Variants in ZNF180 observed in about 807,000 individuals in gnomAD.
The protein encoded by ZNF180 is zinc finger protein 180 (HHZ168).
A neutral mutation model predicts 11.8 loss-of-function variants in ZNF180; 11 were observed. The observed-to-expected ratio is 0.93, with a 90% CI of 0.59 to 1.55. The LOEUF (loss-of-function observed/expected upper bound fraction) is 1.55, where lower values mean the gene tolerates loss of function less well. Ranked by LOEUF, ZNF180 falls within the 40% of genes most tolerant of loss-of-function variation. ZNF180 has a pLI of 0.00. For missense variants in ZNF180, 773 were observed against 781.7 expected (o/e 0.99, Z 0.13); for synonymous variants, 287 against 257.7 (o/e 1.11, Z -1.09).
chr19:44,494,353 C>A (rs930494229), intron 2 of ZNF180, among the ~76,000 whole-genome samples: 1 of 152,124 alleles, frequency 6.6e-6, no homozygotes, highest in Non-Finnish European at 1.5e-5. Flanking sequence ...TAAATTAGAA[C>A]ACCAATGACC....
chr19:44,485,909 A>T (rs1748645342), intron 2 of ZNF180, among the ~76,000 whole-genome samples: 1 of 152,214 alleles, frequency 6.6e-6, no homozygotes, highest in African/African-American at 2.4e-5. Context: ...CAATATTTTT[A>T]AAAGTGTAAT....
Position 44,476,931 on chromosome 19 carries a change from C to A in ZNF180, c.1469G>T (p.Gly490Val), listed in dbSNP as rs373370402. 3 of 1,613,392 alleles carry A rather than the reference C, an allele frequency of 1.9e-6. No homozygotes were observed. Among genetic ancestry groups the A allele is most frequent in the African/African-American group, 1.3e-5 (1 of 74,772 alleles). The change falls in exon 5 of 5, where the codon GGA becomes GTA. Residue 490 changes from glycine to valine, a missense_variant. Physicochemically the swap from Gly to Val is moderately radical, Grantham distance 109. Transcript: ENST00000592529. ...CTGATTACATTCAAAGGGTTTTTCT[C>A]CTGTGTGAGTTCTCTGATGAGCAAC... ...KLVAHQRTHTGEKPFECNQCG... is the reference protein window; with the variant it reads ...KLVAHQRTHTVEKPFECNQCG...
chr19:44,478,147 C>A lies in ZNF180; in HGVS notation c.254-1G>T. On this transcript the variant is annotated splice_acceptor_variant, in intron 4 of 4. Transcript: ENST00000592529. LOFTEE classifies it high-confidence loss of function. ...TTTTTTCCAACTGCAGTTGCCAAGT[C>A]TGAAAGAAAGCAATATAAGACATCT... 1 of 1,554,572 alleles carries A rather than the reference C, an allele frequency of 6.4e-7. No individual in the cohort carries two copies. The highest frequency in any genetic ancestry group is 8.7e-7 in the Non-Finnish European group (1 of 1,151,890).
intron 1 of ZNF180, among the ~76,000 whole-genome samples, chr19:44,499,807 C>T (rs1051643662): frequency 1.3e-5 from 2 of 152,296 alleles, no homozygotes; most frequent in South Asian, 4.1e-4. Context: ...CCCAGAGCCA[C>T]CTGCTCGGAA....
chr19:44,485,041 G>T (rs1970188935), intron 2 of ZNF180: 2 of 152,084 alleles, frequency 1.3e-5, no homozygotes, highest in Non-Finnish European at 2.9e-5. Flanking sequence ...CGCACCTGTA[G>T]TCCCAGCTAC....
rs1486708768 is a variant in ZNF180 at position 44,474,820 on chromosome 19, A to T, written c.*1582T>A. On this transcript the variant is annotated 3_prime_UTR_variant, in exon 5 of 5. Coordinates refer to ENST00000592529, the MANE Select transcript of ZNF180 (RefSeq NM_001278509.3). Reference sequence around the variant, plus strand: ...TTGAGGGTTCTTCAAAGTGTGGGTCAGTGGTCCCCAAGGGATGCCCGCAGC... The same window carrying T: ...TTGAGGGTTCTTCAAAGTGTGGGTCTGTGGTCCCCAAGGGATGCCCGCAGC... The T allele has an allele frequency of 6.6e-6, 1 of 152,188 alleles. No individual in the cohort carries two copies. Among genetic ancestry groups the T allele is most frequent in the Non-Finnish European group, 1.5e-5 (1 of 68,048 alleles). The allele number at this position is 152,188 out of a possible 1,614,324, so 9.4% of individuals were successfully genotyped here.
chr19:44,474,471 C>G lies in ZNF180; in HGVS notation c.*1931G>C, dbSNP rs1568418342. The G allele has an allele frequency of 6.6e-6, 1 of 152,026 alleles. No individual in the cohort carries two copies. The highest frequency in any genetic ancestry group is 1.5e-5 in the Non-Finnish European group (1 of 68,014). 9.4% of individuals were successfully genotyped at this position (152,026 alleles called of 1,614,324 possible). On this transcript the variant is annotated 3_prime_UTR_variant, in exon 5 of 5. Transcript: ENST00000592529. ...TTTATTTTTACTTTATTTTCTAGGT[C>G]TCATCATAGCTCATATATAACACTC...
chr19:44,486,347 C>T (rs1970228822), intron 2 of ZNF180, among the ~76,000 whole-genome samples: 1 of 152,204 alleles, frequency 6.6e-6, no homozygotes, highest in Non-Finnish European at 1.5e-5. Context: ...TTTAATGCTG[C>T]ATCCATGTTT....
At chr19:44,479,559 G>T in intron 3 of ZNF180, 150 bp from the exon 4 acceptor site, 3 of 1,023,244 alleles carry the variant, frequency 2.9e-6, no homozygotes, top group Non-Finnish European at 4.3e-6. Flanking sequence ...CAGTCAAGAT[G>T]TACAGGTGCC....
At position 44,489,962 on chromosome 19, in the gene ZNF180, GA is replaced by G. The variant is rs1056617123; in HGVS notation, c.52-5528del. On this transcript the variant is annotated intron_variant, in intron 2 of 4. Coordinates refer to ENST00000592529, the MANE Select transcript of ZNF180 (RefSeq NM_001278509.3). ...ACAGGAAAGAAAGAGGGAAAAGAAA[GA>G]AAGAAAAGAAAGAAAGAAAGAAAGA... 6.1e-5 allele frequency among the ~76,000 whole-genome samples: 7 copies of G among 115,564 alleles called. No homozygotes were observed. In the East Asian group the frequency reaches 1.2e-3, roughly 20 times the overall value. The allele number at this position is 115,564 out of a possible 152,430, so 75.8% of individuals were successfully genotyped here. A position where few individuals can be genotyped will look rare whatever the true frequency, so the allele number is the denominator to read the frequency against.
intron 1 of ZNF180, among the ~76,000 whole-genome samples, chr19:44,499,682 AG>A (rs1474289590): frequency 6.6e-6 from 1 of 152,066 alleles, no homozygotes; most frequent in African/African-American, 2.4e-5. Context: ...ATTCCCACCA[AG>A]GGTTCACTAG....
Position 44,484,403 on chromosome 19 carries a change from T to G in ZNF180, c.84A>C (p.Lys28Asn), listed in dbSNP as rs1339192967. ...DSFLPQEIII[K>N]VEGEDTGSLT... ...GAGACCCAGTGTCTTCTCCCTCGAC[T>G]TTGATGATAATCTCTTGAGGAAGGA... Residue 28 changes from lysine (K) to asparagine (N), a missense_variant, in exon 3 of 5, where the codon AAA (lysine) becomes AAC (asparagine). Lys to Asn is a moderately conservative substitution (Grantham distance 94). Transcript: ENST00000592529. 28 of 1,614,000 alleles carry G rather than the reference T, an allele frequency of 1.7e-5. No individual in the cohort carries two copies. The highest frequency in any genetic ancestry group is 2.4e-5 in the Non-Finnish European group (28 of 1,179,980).
intron 2 of ZNF180, among the ~76,000 whole-genome samples, chr19:44,487,345 C>T (rs1461428370): frequency 6.6e-6 from 1 of 152,206 alleles, no homozygotes; most frequent in Non-Finnish European, 1.5e-5. Context: ...AGAGCCAGAG[C>T]TGCTGCAATG....
rs917440366 is a variant in ZNF180 at position 44,479,718 on chromosome 19, T to C, written c.127-309A>G. 2.6e-5 allele frequency among the ~76,000 whole-genome samples: 4 copies of C among 152,192 alleles called. 1 individual carries two copies. The highest frequency in any genetic ancestry group is 2.6e-4 in the Admixed American group (4 of 15,280). ...ACTTTTGCACTGGTGAATATAGAAT[T>C]CCCACTTAGGAATTCCCTCTAAATT... On this transcript the variant is annotated intron_variant, in intron 3 of 4. Transcript: ENST00000592529.
intron 2 of ZNF180, among the ~76,000 whole-genome samples, chr19:44,492,227 T>C (rs896818077): frequency 6.6e-6 from 1 of 152,216 alleles, no homozygotes; most frequent in African/African-American, 2.4e-5. Context: ...GCACTGTGTA[T>C]TTTTTATCTT....
At chr19:44,486,762 C>T (rs555102514) in intron 2 of ZNF180, among the ~76,000 whole-genome samples, 14 of 152,058 alleles carry the variant, frequency 9.2e-5, no homozygotes, top group East Asian at 7.7e-4. Flanking sequence ...TAAAATAGGC[C>T]GGGCATGGTG....
chr19:44,487,053 A>T (rs918124416), intron 2 of ZNF180, among the ~76,000 whole-genome samples: 2 of 151,778 alleles, frequency 1.3e-5, no homozygotes, highest in Admixed American at 1.3e-4. Flanking sequence ...AAAAAATAAT[A>T]AATAAATAAA....
chr19:44,489,736 A>T (rs902674857), intron 2 of ZNF180, among the ~76,000 whole-genome samples: 2 of 144,186 alleles, frequency 1.4e-5, no homozygotes, highest in East Asian at 2.0e-4. Flanking sequence ...AATGATCAAT[A>T]AAAAAAAAAG....
intron 1 of ZNF180, among the ~76,000 whole-genome samples, chr19:44,498,972 C>G (rs1970662051): frequency 1.3e-5 from 2 of 152,160 alleles, no homozygotes; most frequent in South Asian, 2.1e-4. Flanking sequence ...CTCTGCCCGT[C>G]TGGGGGCACA....
Sources: gnomAD v4.1 joint callset for allele counts (sites outside exome capture counted in the v4.1 genomes callset) on GRCh38, gnomAD v4.1.1 for gene constraint, MANE v1.5 for transcripts, NCBI Gene and HGNC (gene_info 2026-07-23, HGNC 2026-07-21) for gene names.